The following AGPAT3 variants were observed in gnomAD, a reference collection of about 807,000 sequenced individuals.
The protein encoded by AGPAT3 is 1-acylglycerol-3-phosphate O-acyltransferase 3, also known as 1-acyl-sn-glycerol-3-phosphate acyltransferase gamma.
In AGPAT3, 5 loss-of-function variants were observed where a neutral mutation model predicts 47.3. That is an observed-to-expected ratio of 0.11 (90% CI 0.06 to 0.22). AGPAT3 has a LOEUF of 0.22. Ranked by LOEUF, AGPAT3 falls within the 10% of genes least tolerant of loss-of-function variation. The pLI is 1.00. For missense variants in AGPAT3, 315 were observed against 493.0 expected (o/e 0.64, Z 3.42); for synonymous variants, 212 against 208.3 (o/e 1.02, Z -0.15).
chr21:43,945,700 C>T (rs953495637), intron 2 of AGPAT3, among the ~76,000 whole-genome samples: 2 of 152,166 alleles, frequency 1.3e-5, no homozygotes, highest in Non-Finnish European at 2.9e-5. Context: ...GAAACCTACT[C>T]GGTTTATTCC....
At position 43,939,142 on chromosome 21, in the gene AGPAT3, G is replaced by A. The variant is rs1453596072; in HGVS notation, c.-48-20492G>A. On this transcript the variant is annotated intron_variant, in intron 2 of 9. Coordinates refer to ENST00000291572, the MANE Select transcript of AGPAT3 (RefSeq NM_020132.5). This position sits in a 1 kb window ranked among gnomAD's most constrained non-coding sequence, Gnocchi z 4.4. Reference sequence around the variant, plus strand: ...GGACAGGTTCGTTGTGTCTGATGCCGTGGGAGATGCACGAGCAGTGACTTT... The same window carrying A: ...GGACAGGTTCGTTGTGTCTGATGCCATGGGAGATGCACGAGCAGTGACTTT... Among the ~76,000 whole-genome samples the A allele has an allele frequency of 2.0e-5, 3 of 152,194 alleles. No individual in the cohort carries two copies. The highest frequency in any genetic ancestry group is 4.4e-5 in the Non-Finnish European group (3 of 68,024).
intron 1 of AGPAT3, chr21:43,867,102 G>T (rs1601173354): frequency 6.6e-6 from 1 of 152,400 alleles, no homozygotes; most frequent in Non-Finnish European, 1.5e-5. Flanking sequence ...TAGAAAAAGA[G>T]CATTCACCAA....
In AGPAT3 at chr21:43,983,966, G is replaced by C. The variant is rs940106985; in HGVS notation, c.*1574G>C. 8 of 152,246 alleles carry C rather than the reference G, an allele frequency of 5.3e-5. No homozygotes were observed. The highest frequency in any genetic ancestry group is 2.6e-4 in the Admixed American group (4 of 15,288). 9.4% of individuals were successfully genotyped at this position (152,246 alleles called of 1,614,324 possible). On this transcript the variant is annotated 3_prime_UTR_variant, in exon 10 of 10. Transcript: ENST00000291572. The stretch of plus-strand genomic sequence containing the variant: ...ATTAGGCATCGGGCCTAAGTGTCCT[G>C]GGGAGATTGGAGGGGACGGCAGCGT...
rs544164366 is a variant in AGPAT3 at position 43,939,047 on chromosome 21, C to T, written c.-48-20587C>T. The stretch of plus-strand genomic sequence containing the variant: ...AGTCCACAGTTTCCCACAGAGCACG[C>T]AGGGGCCGCACCAGGGCTGGGACGG... On this transcript the variant is annotated intron_variant, in intron 2 of 9. Transcript: ENST00000291572. The surrounding 1 kb of genome is among the most constrained non-coding windows in gnomAD (Gnocchi z 4.4). Among the ~76,000 whole-genome samples, 1 of 152,336 alleles carries T rather than the reference C, an allele frequency of 6.6e-6. No homozygotes were observed. The highest frequency in any genetic ancestry group is 1.9e-4 in the East Asian group (1 of 5,188).
intron 1 of AGPAT3, among the ~76,000 whole-genome samples, chr21:43,885,851 C>G (rs2085964310): frequency 6.6e-6 from 1 of 151,984 alleles, no homozygotes; most frequent in Non-Finnish European, 1.5e-5. Context: ...GCGCAGGGCT[C>G]CTGTGGGTGA....
intron 2 of AGPAT3, among the ~76,000 whole-genome samples, chr21:43,936,326 C>T (rs956674174): frequency 7.2e-5 from 11 of 152,230 alleles, no homozygotes; most frequent in African/African-American, 2.7e-4. Flanking sequence ...GTGGCGAGCA[C>T]GGCATTGTTT....
At chr21:43,959,486 G>A in intron 2 of AGPAT3, 148 bp from the exon 3 acceptor site, 1 of 674,826 alleles carries the variant, frequency 1.5e-6, no homozygotes, top group Non-Finnish European at 2.6e-6. Context: ...GTATGTGTGT[G>A]GCACGTGTGT....
rs552670988 is a variant in AGPAT3, at chr21:43,974,463, ATG to A, written c.767+2976_767+2977del. Among the ~76,000 whole-genome samples the A allele has an allele frequency of 4.9e-3, 737 of 150,946 alleles. 3 individuals are homozygous for A. The highest frequency in any genetic ancestry group is 8.6e-3 in the Non-Finnish European group (582 of 67,748). ...TGTGGTATGTGTGTATAAATTATAA[ATG>A]TGCATGTGTGTGCAAAATGGGTGGG... On this transcript the variant is annotated intron_variant, in intron 7 of 9. Coordinates refer to ENST00000291572, the MANE Select transcript of AGPAT3 (RefSeq NM_020132.5).
At position 43,907,665 on chromosome 21, in the gene AGPAT3, C is replaced by T. The variant is rs981414321; in HGVS notation, c.-49+3646C>T. Among the ~76,000 whole-genome samples, 4 of 152,080 alleles carry T rather than the reference C, an allele frequency of 2.6e-5. 1 individual carries two copies. The highest frequency in any genetic ancestry group is 5.9e-5 in the Non-Finnish European group (4 of 67,988). ...CCGGGAGGCGGAGCTTGTGGTGAGC[C>T]GAGATCGCGCCACTGCACTCCAGCC... On this transcript the variant is annotated intron_variant, in intron 2 of 9. Coordinates refer to ENST00000291572, the MANE Select transcript of AGPAT3 (RefSeq NM_020132.5).
At chr21:43,883,464 G>A (rs1405840830) in intron 1 of AGPAT3, among the ~76,000 whole-genome samples, 1 of 152,224 alleles carries the variant, frequency 6.6e-6, no homozygotes, top group Non-Finnish European at 1.5e-5. Flanking sequence ...CGGGGCCCTG[G>A]GCCCCGGGAG....
chr21:43,957,311 G>C (rs535387665), intron 2 of AGPAT3, among the ~76,000 whole-genome samples: 2 of 152,312 alleles, frequency 1.3e-5, no homozygotes, highest in Admixed American at 1.3e-4. Context: ...CACAGTGGGG[G>C]CAGCTGGCGG....
chr21:43,865,693 C>T (rs895126536), intron 1 of AGPAT3, among the ~76,000 whole-genome samples: 12 of 150,620 alleles, frequency 8.0e-5, no homozygotes, highest in Non-Finnish European at 1.5e-4. Context: ...CCGGGAGGGG[C>T]CCGGGCCGGG....
chr21:43,919,902 G>A (rs1221866956), intron 2 of AGPAT3: 1 of 152,244 alleles, frequency 6.6e-6, no homozygotes, highest in Non-Finnish European at 1.5e-5. Context: ...ACGCAAGCAT[G>A]GGTGTCTCTG....
At chr21:43,929,847 G>A (rs1053480311) in intron 2 of AGPAT3, among the ~76,000 whole-genome samples, 5 of 152,242 alleles carry the variant, frequency 3.3e-5, no homozygotes, top group Non-Finnish European at 5.9e-5. Flanking sequence ...GACAGCTCCC[G>A]CCTGGCTGAG....
chr21:43,881,179 T>C (rs2085847387), intron 1 of AGPAT3, among the ~76,000 whole-genome samples: 1 of 152,246 alleles, frequency 6.6e-6, no homozygotes, highest in African/African-American at 2.4e-5. Flanking sequence ...AACTGTGTCA[T>C]AATTTTTATT....
intron 2 of AGPAT3, among the ~76,000 whole-genome samples, chr21:43,958,200 CTT>C (rs748086755): frequency 8.3e-4 from 126 of 152,168 alleles, no homozygotes; most frequent in African/African-American, 2.9e-3. Context: ...TTCTTCTAGT[CTT>C]TTCGTTTTTT....
At chr21:43,891,347 C>T (rs1398587572) in intron 1 of AGPAT3, among the ~76,000 whole-genome samples, 2 of 152,172 alleles carry the variant, frequency 1.3e-5, no homozygotes, top group Non-Finnish European at 2.9e-5. Flanking sequence ...TAAGAAGCAA[C>T]TCCGGGCCGG....
rs1166547551 is a variant in AGPAT3, at chr21:43,932,293, C to A, written c.-48-27341C>A. 6.6e-6 allele frequency among the ~76,000 whole-genome samples: 1 copy of A among 152,194 alleles called. No homozygotes were observed. The highest frequency in any genetic ancestry group is 1.5e-5 in the Non-Finnish European group (1 of 68,028). ...CCAAGCCCCCAGCCCCTGGTAACCA[C>A]CGTGCTCCTCCCAGTTCTGGTGAGA... On this transcript the variant is annotated intron_variant, in intron 2 of 9. Transcript: ENST00000291572. This position sits in a 1 kb window ranked among gnomAD's most constrained non-coding sequence, Gnocchi z 5.2.
intron 2 of AGPAT3, among the ~76,000 whole-genome samples, chr21:43,951,996 G>C (rs2146503077): frequency 6.6e-6 from 1 of 152,274 alleles, no homozygotes; most frequent in Non-Finnish European, 1.5e-5. Context: ...GGGTCACAGG[G>C]ACCAGCGACG....
Sources: allele counts gnomAD v4.1 joint callset (sites outside exome capture counted in the v4.1 genomes callset), GRCh38; gene constraint gnomAD v4.1.1; non-coding constraint Gnocchi (gnomAD v3.1); transcripts MANE v1.5; gene names NCBI Gene and HGNC (gene_info 2026-07-23, HGNC 2026-07-21).